The following ZMIZ2 variants were observed in gnomAD, a reference collection of about 807,000 sequenced individuals.
The protein encoded by ZMIZ2 is zinc finger MIZ domain-containing protein 2.
In ZMIZ2, 26 loss-of-function variants were observed where a neutral mutation model predicts 93.9. The ratio of observed to expected loss-of-function variants is 0.28; its 90% confidence interval spans 0.20 to 0.38. ZMIZ2 has a LOEUF of 0.38. Ranked by LOEUF, ZMIZ2 falls within the 10% of genes least tolerant of loss-of-function variation. The pLI is 1.00. For synonymous variants in ZMIZ2, 485 were observed against 516.4 expected (o/e 0.94, Z 0.82); for missense variants, 1,023 against 1,235.0 (o/e 0.83, Z 2.57).
Position 44,767,795 on chromosome 7 carries a change from T to C in ZMIZ2, c.*172T>C. ...CCTGCCCCTGAATTGGAAGCAGCCCTGTGCTCGATGGGAGGGGCTCCCAGG... is the reference window on the plus strand; with the variant it reads ...CCTGCCCCTGAATTGGAAGCAGCCCCGTGCTCGATGGGAGGGGCTCCCAGG... On this transcript the variant is annotated 3_prime_UTR_variant, in exon 19 of 19. Transcript: ENST00000309315. The C allele has an allele frequency of 1.6e-6, 1 of 632,710 alleles. No individual in the cohort carries two copies. Among genetic ancestry groups the C allele is most frequent in the Non-Finnish European group, 2.8e-6 (1 of 360,410 alleles). The allele number at this position is 632,710 out of a possible 1,614,324, so 39.2% of individuals were successfully genotyped here. A position where few individuals can be genotyped will look rare whatever the true frequency, so the allele number is the denominator to read the frequency against.
intron 13 of ZMIZ2, among the ~76,000 whole-genome samples, chr7:44,764,213 A>G (rs751861906): frequency 2.0e-5 from 3 of 152,210 alleles, no homozygotes; most frequent in Non-Finnish European, 4.4e-5. Flanking sequence ...CTTTGGCCAC[A>G]TGGCATTCCA....
At position 44,766,466 on chromosome 7, in the gene ZMIZ2, C is replaced by G; in HGVS notation, c.2458C>G (p.Pro820Ala). Residue 820 changes from proline to alanine, a missense_variant, in exon 18 of 19, where the codon CCA becomes GCA. By Grantham distance (27) the Pro-to-Ala change is conservative (BLOSUM62 -1). Transcript: ENST00000309315. This position sits in a 1 kb window ranked among gnomAD's most constrained non-coding sequence, Gnocchi z 4.4. ...HLDPTHNPGT[P>A]GLHTSNLGAP... ...GGACCCCACTCACAATCCTGGGACACCAGGACTACACACCTCCAACCTTGG... is the reference window on the plus strand; with the variant it reads ...GGACCCCACTCACAATCCTGGGACAGCAGGACTACACACCTCCAACCTTGG... 1 of 1,614,196 alleles carries G rather than the reference C, an allele frequency of 6.2e-7. No individual in the cohort carries two copies. The highest frequency in any genetic ancestry group is 8.5e-7 in the Non-Finnish European group (1 of 1,180,036).
In ZMIZ2 at chr7:44,769,204, C is replaced by CCCAG. The variant is rs962272122; in HGVS notation, c.*1591_*1594dup. The CCCAG allele has an allele frequency of 6.5e-6, 1 of 152,722 alleles. No individual in the cohort carries two copies. Among genetic ancestry groups the CCCAG allele is most frequent in the Admixed American group, 6.5e-5 (1 of 15,288 alleles). The allele number at this position is 152,722 out of a possible 1,614,324, so 9.5% of individuals were successfully genotyped here. ...CCTGGGCCCCATCCTTGAGGGCCTT[C>CCCAG]CCAGCCAGCCAGCAGGAGAGGCAAG... On this transcript the variant is annotated 3_prime_UTR_variant, in exon 19 of 19. Transcript: ENST00000309315.
In ZMIZ2 at chr7:44,757,579, C is replaced by A; in HGVS notation, c.552+18C>A. On this transcript the variant is annotated intron_variant, in intron 5 of 18. Transcript: ENST00000309315. ...ATGGAGCGGTGAGCCCCCTCAGCAG[C>A]TCCTCCCACATGGCAGCCAGCCTGA... 1 of 1,573,014 alleles carries A rather than the reference C, an allele frequency of 6.4e-7. No individual in the cohort carries two copies. The highest frequency in any genetic ancestry group is 1.8e-5 in the Admixed American group (1 of 54,782).
chr7:44,748,747 CCGCCCCGAGCGCCG>C (rs1189310360), upstream of ZMIZ2: 1 of 151,130 alleles, frequency 6.6e-6, no homozygotes, highest in African/African-American at 2.4e-5. Flanking sequence ...GCGGCCGCCC[CCGCCCCGAGCGCCG>C]GCTCGGGGCT....
rs1791966923 is a variant in ZMIZ2, at chr7:44,769,105, G to C, written c.*1482G>C. ...AGGCCTCTGCTTGTCACTTCCCAGA[G>C]ATTGCAGAGGTGTGTCCTGCCTACC... On this transcript the variant is annotated 3_prime_UTR_variant, in exon 19 of 19. Transcript: ENST00000309315. The C allele has an allele frequency of 6.5e-6, 1 of 152,736 alleles. No individual in the cohort carries two copies. Among genetic ancestry groups the C allele is most frequent in the Admixed American group, 6.5e-5 (1 of 15,282 alleles). The allele number at this position is 152,736 out of a possible 1,614,324, so 9.5% of individuals were successfully genotyped here.
chr7:44,767,537 C>G lies in ZMIZ2; in HGVS notation c.2677C>G (p.Pro893Ala). Reference sequence around the variant, plus strand: ...TCAGCTGCTCCCGGAACTGACCAACCCTGATGAGCTACTGTCCTACTTGGG... The same window carrying G: ...TCAGCTGCTCCCGGAACTGACCAACGCTGATGAGCTACTGTCCTACTTGGG... ...ALDLLPELTN[P>A]DELLSYLGPP... is the part of the protein sequence containing the mutation. Residue 893 changes from proline (P) to alanine (A), a missense_variant, in exon 19 of 19, where the codon CCT becomes GCT. This residue lies in a region of ZMIZ2 where 319 missense variants were observed against 358.8 expected (regional missense o/e 0.89). Transcript: ENST00000309315. 2 of 1,613,998 alleles carry G rather than the reference C, an allele frequency of 1.2e-6. No individual in the cohort carries two copies. The highest frequency in any genetic ancestry group is 2.2e-5 in the East Asian group (1 of 44,892).
chr7:44,757,664 C>CA (rs1384058542), intron 5 of ZMIZ2, 103 bp downstream of exon 5: 1 of 1,464,488 alleles, frequency 6.8e-7, no homozygotes, highest in Admixed American at 2.6e-5. Flanking sequence ...TGGAATATGC[C>CA]AGGGCTCATG....
rs944787668 is a variant in ZMIZ2 at position 44,769,523 on chromosome 7, C to G, written c.*1900C>G. The G allele has an allele frequency of 3.9e-5, 6 of 152,774 alleles. No individual in the cohort carries two copies. Among genetic ancestry groups the G allele is most frequent in the East Asian group, 1.9e-4 (1 of 5,206 alleles). 9.5% of individuals were successfully genotyped at this position (152,774 alleles called of 1,614,324 possible). A position where few individuals can be genotyped will look rare whatever the true frequency, so the allele number is the denominator to read the frequency against. Reference sequence around the variant, plus strand: ...AAAAGAAGCAGCAGCACGCACAGTCCTGTCGCTGGGTGCGGAGACAGCCTG... The same window carrying G: ...AAAAGAAGCAGCAGCACGCACAGTCGTGTCGCTGGGTGCGGAGACAGCCTG... On this transcript the variant is annotated 3_prime_UTR_variant, in exon 19 of 19. Transcript: ENST00000309315.
chr7:44,757,202 G>T (rs191786919), intron 4 of ZMIZ2, 53 bp downstream of exon 4: 5 of 1,547,630 alleles, frequency 3.2e-6, no homozygotes, highest in Non-Finnish European at 3.5e-6. Flanking sequence ...AATCTGGCAG[G>T]CACCTCAGAA....
In ZMIZ2 at chr7:44,764,971, G is replaced by A. The variant is rs902822604; in HGVS notation, c.1959G>A (p.Val653=). ...CAGCTTTGCTGGAGGGCCTGGAGGT[G>A]GACCAGTACATGCTGGGCATCCTGA... is the stretch of plus-strand genomic sequence containing the variant. The part of the protein sequence containing the change: ...NKTALLEGLE[V]DQYMLGILIY... The change falls in exon 15 of 19, where the codon GTG becomes GTA. Residue 653 remains valine, a synonymous_variant. Coordinates refer to ENST00000309315, the MANE Select transcript of ZMIZ2 (RefSeq NM_031449.4). 3.1e-6 allele frequency: 5 copies of A among 1,614,228 alleles called. No homozygotes were observed. The highest frequency in any genetic ancestry group is 4.5e-5 in the East Asian group (2 of 44,888).
chr7:44,757,741 T>C, intron 5 of ZMIZ2, 107 bp from the exon 6 acceptor site: 1 of 1,432,598 alleles, frequency 7.0e-7, no homozygotes, highest in Non-Finnish European at 9.2e-7. Context: ...TGGGGTGTCC[T>C]GTGAAAGGGT....
At chr7:44,757,286 C>G in intron 4 of ZMIZ2, 92 bp from the exon 5 acceptor site, 1 of 1,528,264 alleles carries the variant, frequency 6.5e-7, no homozygotes, top group Non-Finnish European at 8.7e-7. Context: ...AAAGAATGGG[C>G]TCCCCCTGGG....
intron 2 of ZMIZ2, 55 bp from the exon 3 acceptor site, chr7:44,756,370 C>T: frequency 6.2e-7 from 1 of 1,613,852 alleles, no homozygotes; most frequent in Non-Finnish European, 8.5e-7. Flanking sequence ...AGATCCTAGA[C>T]TCTTGGACAC....
chr7:44,765,881 C>T lies in ZMIZ2; in HGVS notation c.2243-283C>T, dbSNP rs1248464669. On this transcript the variant is annotated intron_variant, in intron 16 of 18. Coordinates refer to ENST00000309315, the MANE Select transcript of ZMIZ2 (RefSeq NM_031449.4). This position sits in a 1 kb window ranked among gnomAD's most constrained non-coding sequence, Gnocchi z 4.1. ...CTCACAGGACTGGCCCCATCTGGGG[C>T]CCCCCTCTGGGACCCACCTCACACG... 9 of 1,352,832 alleles carry T rather than the reference C, an allele frequency of 6.7e-6. No homozygotes were observed. The African/African-American group carries it at 1.0e-4, about 15-fold the overall frequency. 83.8% of individuals were successfully genotyped at this position (1,352,832 alleles called of 1,614,324 possible).
At chr7:44,760,130 A>C (rs983137426) in intron 7 of ZMIZ2, 21 bp from the exon 8 acceptor site, 2 of 1,613,834 alleles carry the variant, frequency 1.2e-6, no homozygotes, top group Non-Finnish European at 1.7e-6. Flanking sequence ...CCCCAGGTGC[A>C]TGCAGTTTTC....
Position 44,759,443 on chromosome 7 carries a change from A to G in ZMIZ2, c.976A>G (p.Thr326Ala). 6.4e-7 allele frequency: 1 copy of G among 1,565,778 alleles called. No homozygotes were observed. ...CCAGTCCCTGTCCGTGCCTGGCCCC[A>G]CGGGACTGCATTATAAGGTAGGGCA... ...MTQSLSVPGPTGLHYKPTEQF... is the reference protein window; with the variant it reads ...MTQSLSVPGPAGLHYKPTEQF... Residue 326 changes from threonine to alanine, a missense_variant, in exon 7 of 19, where the codon ACG becomes GCG. Coordinates refer to ENST00000309315, the MANE Select transcript of ZMIZ2 (RefSeq NM_031449.4).
intron 3 of ZMIZ2, 108 bp downstream of exon 3, chr7:44,756,647 G>A (rs1000119424): frequency 8.0e-7 from 1 of 1,242,788 alleles, no homozygotes; most frequent in Non-Finnish European, 1.2e-6. Flanking sequence ...GAGAGGTGAG[G>A]ACAGAGAGGC....
rs887897856 is a variant in ZMIZ2 at position 44,757,974 on chromosome 7, T to G, written c.679T>G (p.Leu227Val). 3 of 1,612,760 alleles carry G rather than the reference T, an allele frequency of 1.9e-6. No homozygotes were observed. ...GVMGPSGLSPLAMNPTRAAGM... is the reference protein window; with the variant it reads ...GVMGPSGLSPVAMNPTRAAGM... ...AATGGGCCCCTCTGGCCTCTCCCCC[T>G]TGGCTATGAACCCCACCCGGGCAGC... The change falls in exon 6 of 19, where the codon TTG (leucine) becomes GTG (valine). Residue 227 changes from leucine to valine, a missense_variant. By Grantham distance (32) the Leu-to-Val change is conservative. Transcript: ENST00000309315.
Sources: gnomAD v4.1 joint callset for allele counts (sites outside exome capture counted in the v4.1 genomes callset) on GRCh38, gnomAD v4.1.1 for gene constraint, gnomAD v4.1.1 regional missense constraint, Gnocchi (gnomAD v3.1) non-coding constraint, MANE v1.5 for transcripts, NCBI Gene and HGNC (gene_info 2026-07-23, HGNC 2026-07-21) for gene names.